Variants in KIF6 observed in about 807,000 individuals in gnomAD.
The protein encoded by KIF6 is kinesin family member 6.
A neutral mutation model predicts 112.7 loss-of-function variants in KIF6; 106 were observed. That is an observed-to-expected ratio of 0.94 (90% confidence interval 0.80 to 1.11). The LOEUF (loss-of-function observed/expected upper bound fraction) is 1.11. Ranked by LOEUF, KIF6 falls within the 50% of genes least tolerant of loss-of-function variation. The pLI, the probability that KIF6 is intolerant of heterozygous loss-of-function variation, is 0.00. For missense variants in KIF6, 929 were observed against 964.0 expected, an observed-to-expected ratio of 0.96 and a Z score of 0.48; for synonymous variants, 339 against 339.9, an observed-to-expected ratio of 1.00 and a Z score of 0.03.
chr6:39,524,648 C>T (rs1777601089), intron 13 of KIF6, among the ~76,000 whole-genome samples: 1 of 152,172 alleles, frequency 6.6e-6, no homozygotes, highest in Non-Finnish European at 1.5e-5. Flanking sequence ...TAGAAAGGCC[C>T]TGTCCCCAGC....
At chr6:39,615,496 C>T (rs1302948274) in intron 5 of KIF6, among the ~76,000 whole-genome samples, 1 of 148,540 alleles carries the variant, frequency 6.7e-6, no homozygotes, top group Non-Finnish European at 1.5e-5. Context: ...CCACCCACCC[C>T]ACTCTCCCCA....
chr6:39,587,708 C>T (rs1405053668), intron 7 of KIF6, among the ~76,000 whole-genome samples: 1 of 152,154 alleles, frequency 6.6e-6, no homozygotes, highest in Non-Finnish European at 1.5e-5. Context: ...ATTAAATCCC[C>T]TGTACATTCT....
intron 13 of KIF6, among the ~76,000 whole-genome samples, chr6:39,463,640 A>G (rs1046995595): frequency 1.3e-5 from 2 of 152,232 alleles, no homozygotes; most frequent in African/African-American, 4.8e-5. Flanking sequence ...CCTCAAAATC[A>G]TCTCAAAAAA....
chr6:39,430,228 T>C (rs1295302678), intron 14 of KIF6, among the ~76,000 whole-genome samples: 1 of 152,154 alleles, frequency 6.6e-6, no homozygotes, highest in Non-Finnish European at 1.5e-5. Flanking sequence ...CTTTCCCTTA[T>C]GGCTCCCCTC....
At chr6:39,366,863 G>A (rs1046718436) in intron 16 of KIF6, among the ~76,000 whole-genome samples, 3 of 151,930 alleles carry the variant, frequency 2.0e-5, no homozygotes, top group South Asian at 4.2e-4. Flanking sequence ...GAATGGGCTC[G>A]ATCTATTCCT....
chr6:39,422,734 A>C (rs1770463731), intron 14 of KIF6, among the ~76,000 whole-genome samples: 1 of 152,118 alleles, frequency 6.6e-6, no homozygotes. Context: ...CTGCATCTCC[A>C]CGCCTCTCCA....
chr6:39,601,420 T>C (rs1782564704), intron 6 of KIF6, among the ~76,000 whole-genome samples: 1 of 152,124 alleles, frequency 6.6e-6, no homozygotes, highest in Admixed American at 6.6e-5. Flanking sequence ...GCCAATCCTA[T>C]CTACATCACT....
At chr6:39,476,502 T>A (rs1189233562) in intron 13 of KIF6, among the ~76,000 whole-genome samples, 1 of 152,144 alleles carries the variant, frequency 6.6e-6, no homozygotes, top group Non-Finnish European at 1.5e-5. Flanking sequence ...CTCCAGCCAA[T>A]GATGGCCTGC....
intron 13 of KIF6, among the ~76,000 whole-genome samples, chr6:39,441,311 A>G (rs1368471515): frequency 6.6e-6 from 1 of 152,200 alleles, no homozygotes; most frequent in Non-Finnish European, 1.5e-5. Context: ...CTTCCAGATT[A>G]CTAACCAATT....
chr6:39,395,196 A>C (rs777213967), intron 15 of KIF6, among the ~76,000 whole-genome samples: 3 of 152,252 alleles, frequency 2.0e-5, no homozygotes, highest in Non-Finnish European at 4.4e-5. Flanking sequence ...ACACAAGATT[A>C]GCACGTTCTG....
chr6:39,576,586 T>C (rs1160580223), intron 10 of KIF6, among the ~76,000 whole-genome samples: 2 of 152,188 alleles, frequency 1.3e-5, no homozygotes, highest in African/African-American at 4.8e-5. Context: ...GCCAAGGATG[T>C]TCCTCTGGAC....
At chr6:39,683,699 G>T (rs1162135818) in intron 3 of KIF6, among the ~76,000 whole-genome samples, 1 of 152,200 alleles carries the variant, frequency 6.6e-6, no homozygotes, top group Non-Finnish European at 1.5e-5. Flanking sequence ...GCTCATGAAG[G>T]AGAGGAGGAA....
At chr6:39,559,602 AT>A (rs1258069545) in intron 10 of KIF6, among the ~76,000 whole-genome samples, 1 of 152,194 alleles carries the variant, frequency 6.6e-6, no homozygotes, top group East Asian at 1.9e-4. Flanking sequence ...GAGGAATTAA[AT>A]TTGCTTAAAT....
At chr6:39,669,104 C>T (rs551006179) in intron 3 of KIF6, among the ~76,000 whole-genome samples, 495 of 152,174 alleles carry the variant, frequency 3.3e-3, no homozygotes, top group Non-Finnish European at 5.3e-3. Context: ...CTAAAGTGTT[C>T]GCTTAGATAT....
intron 16 of KIF6, among the ~76,000 whole-genome samples, 188 bp from the exon 17 acceptor site, chr6:39,362,706 T>C (rs554223591): frequency 5.3e-5 from 8 of 152,298 alleles, no homozygotes; most frequent in African/African-American, 1.9e-4. Flanking sequence ...CCAGGGTTAT[T>C]GTCCCTCTGC....
At chr6:39,642,175 G>A (rs921776558) in intron 3 of KIF6, among the ~76,000 whole-genome samples, 10 of 152,196 alleles carry the variant, frequency 6.6e-5, no homozygotes, top group African/African-American at 2.2e-4. Flanking sequence ...GTGGTGTAAT[G>A]AACTTTGAAA....
At chr6:39,586,477 A>G in intron 7 of KIF6, 73 bp from the exon 8 acceptor site, 1 of 1,244,652 alleles carries the variant, frequency 8.0e-7, no homozygotes, top group South Asian at 1.3e-5. Flanking sequence ...CAGAGCTTCA[A>G]TAGCAATAAA....
intron 5 of KIF6, among the ~76,000 whole-genome samples, chr6:39,618,022 T>C (rs576453374): frequency 2.4e-4 from 37 of 152,254 alleles, no homozygotes; most frequent in Non-Finnish European, 5.4e-4. Context: ...GAAAAGTATG[T>C]AAGGTGACCC....
chr6:39,433,928 C>T (rs1771338381), intron 13 of KIF6, among the ~76,000 whole-genome samples: 1 of 152,174 alleles, frequency 6.6e-6, no homozygotes, highest in Non-Finnish European at 1.5e-5. Context: ...TAATATACCA[C>T]TTCTCACCCC....
Sources: allele counts gnomAD v4.1 joint callset (sites outside exome capture counted in the v4.1 genomes callset), GRCh38; gene constraint gnomAD v4.1.1; transcripts MANE v1.5; gene names NCBI Gene and HGNC (gene_info 2026-07-23, HGNC 2026-07-21).